Variants in PTN observed in about 807,000 individuals in gnomAD.
PTN encodes heparin affin regulatory protein.
A neutral mutation model predicts 24.1 loss-of-function variants in PTN; 18 were observed. The ratio of observed to expected loss-of-function variants is 0.75; its 90% CI spans 0.52 to 1.11. The LOEUF is 1.11. Among genes scored for constraint, PTN ranks in the 50% least tolerant of loss-of-function variants. The probability of loss-of-function intolerance (pLI) is 0.00; values close to 1 mark genes in which losing one functional copy is unlikely to be tolerated. For missense variants in PTN, 163 were observed against 198.8 expected (o/e 0.82, Z 1.08); for synonymous variants, 78 against 68.6 (o/e 1.14, Z -0.67).
Position 137,238,116 on chromosome 7 carries a change from C to G in PTN, c.452-10041G>C, listed in dbSNP as rs561337564. 2.0e-5 allele frequency among the ~76,000 whole-genome samples: 3 copies of G among 152,276 alleles called. No homozygotes were observed. In the South Asian group the frequency reaches 6.2e-4, roughly 32 times the overall value. ...ATTTTATTTTCATGGCCTCTGTGCA[C>G]TGAACAACAACAAGCTTGCTCTGAT... On this transcript the variant is annotated intron_variant, in intron 4 of 4. Coordinates refer to ENST00000348225, the MANE Select transcript of PTN (RefSeq NM_002825.7).
chr7:137,262,835 A>T (rs1175698257), intron 1 of PTN, among the ~76,000 whole-genome samples: 1 of 152,112 alleles, frequency 6.6e-6, no homozygotes, highest in East Asian at 1.9e-4. Context: ...CAGGGGTGGA[A>T]TTTTTACTAC....
intron 1 of PTN, among the ~76,000 whole-genome samples, chr7:137,312,231 TC>T (rs1809994013): frequency 6.6e-6 from 1 of 152,218 alleles, no homozygotes. Context: ...GTAATCATTT[TC>T]CAGTGAAAAT....
chr7:137,257,702 T>C (rs1808958808), intron 1 of PTN, among the ~76,000 whole-genome samples: 1 of 152,218 alleles, frequency 6.6e-6, no homozygotes. Flanking sequence ...TATATTTCTT[T>C]CCAAGTTAAA....
chr7:137,268,887 G>A (rs1433231125), intron 1 of PTN, among the ~76,000 whole-genome samples: 1 of 152,138 alleles, frequency 6.6e-6, no homozygotes, highest in African/African-American at 2.4e-5. Flanking sequence ...CCTCATTGCT[G>A]AGTTTTCTAA....
intron 1 of PTN, chr7:137,324,758 C>G (rs1373422142): frequency 6.6e-6 from 1 of 152,114 alleles, no homozygotes. Flanking sequence ...TTGGAGAAGT[C>G]TCCATTCTGG....
intron 1 of PTN, 100 bp from the exon 2 acceptor site, chr7:137,255,074 G>A: frequency 4.1e-6 from 3 of 725,570 alleles, no homozygotes; most frequent in Non-Finnish European, 6.2e-6. Flanking sequence ...TCCATTTCTG[G>A]AATGTTAGAT....
intron 1 of PTN, among the ~76,000 whole-genome samples, chr7:137,307,349 G>A (rs187670416): frequency 1.3e-5 from 2 of 152,154 alleles, no homozygotes; most frequent in Non-Finnish European, 2.9e-5. Context: ...AGTTACCACT[G>A]AGTTTCCAAT....
intron 1 of PTN, among the ~76,000 whole-genome samples, chr7:137,322,509 C>G (rs1369416134): frequency 6.6e-6 from 1 of 151,946 alleles, no homozygotes; most frequent in East Asian, 1.9e-4. Context: ...CCTTAATTAT[C>G]AATAGGAAAA....
At chr7:137,280,691 T>TAACGAAAAA (rs760779128) in intron 1 of PTN, among the ~76,000 whole-genome samples, 1 of 14,754 alleles carries the variant, frequency 6.8e-5, no homozygotes, top group African/African-American at 1.8e-4. Context: ...CCGTCTCTAC[T>TAACGAAAAA]AAAAATACAA....
chr7:137,257,756 T>G (rs983980755), intron 1 of PTN, among the ~76,000 whole-genome samples: 10 of 152,326 alleles, frequency 6.6e-5, no homozygotes, highest in Middle Eastern at 6.8e-3. Context: ...ATCAGAAGTA[T>G]TTAGGTTGTT....
At chr7:137,296,083 T>C (rs1215918217) in intron 1 of PTN, among the ~76,000 whole-genome samples, 4 of 152,046 alleles carry the variant, frequency 2.6e-5, no homozygotes, top group African/African-American at 9.7e-5. Flanking sequence ...CTTTCTCACT[T>C]ACTTAATGAA....
Position 137,248,492 on chromosome 7 carries a change from C to T in PTN, c.451+2738G>A, listed in dbSNP as rs569458619. 1.2e-3 allele frequency among the ~76,000 whole-genome samples: 184 copies of T among 152,134 alleles called. 1 individual carries two copies. The highest frequency in any genetic ancestry group is 1.2e-3 in the Non-Finnish European group (83 of 68,036). The stretch of plus-strand genomic sequence containing the variant: ...TTTGAGGTCTGGAGTTCAAGACCAG[C>T]CTGACCAACATGATGAAATGCTGTC... On this transcript the variant is annotated intron_variant, in intron 4 of 4. Coordinates refer to ENST00000348225, the MANE Select transcript of PTN (RefSeq NM_002825.7).
chr7:137,316,509 A>G (rs1414027762), intron 1 of PTN, among the ~76,000 whole-genome samples: 1 of 152,180 alleles, frequency 6.6e-6, no homozygotes, highest in Non-Finnish European at 1.5e-5. Flanking sequence ...GGTGTAATGG[A>G]AGAGAACTTT....
rs1260437413 is a variant in PTN at position 137,319,951 on chromosome 7, G to A, written c.-2+23488C>T. On this transcript the variant is annotated intron_variant, in intron 1 of 4. Coordinates refer to ENST00000348225, the MANE Select transcript of PTN (RefSeq NM_002825.7). ...TACTCCTAAGTAATCCCCTCCACGT[G>A]TATTCTGCTAATTAAGAGGCCACAT... 4.6e-5 allele frequency among the ~76,000 whole-genome samples: 7 copies of A among 152,130 alleles called. No homozygotes were observed. In the East Asian group the frequency reaches 1.3e-3, roughly 29 times the overall value.
chr7:137,292,123 G>A (rs1319149533), intron 1 of PTN, among the ~76,000 whole-genome samples: 1 of 152,122 alleles, frequency 6.6e-6, no homozygotes, highest in Admixed American at 6.6e-5. Context: ...TGCCACTGAT[G>A]TAAAATATGG....
chr7:137,268,122 T>C (rs1289760150), intron 1 of PTN, among the ~76,000 whole-genome samples: 1 of 152,134 alleles, frequency 6.6e-6, no homozygotes, highest in African/African-American at 2.4e-5. Context: ...TGCCAGTTCC[T>C]TCCCGGTGTT....
rs547707471 is a variant in PTN, at chr7:137,312,460, G to T, written c.-2+30979C>A. 6.6e-5 allele frequency among the ~76,000 whole-genome samples: 10 copies of T among 152,288 alleles called. No homozygotes were observed. In the East Asian group the frequency reaches 1.5e-3, roughly 24 times the overall value. On this transcript the variant is annotated intron_variant, in intron 1 of 4. Coordinates refer to ENST00000348225, the MANE Select transcript of PTN (RefSeq NM_002825.7). ...ATGCCTGTTGACAATTTGCCTGGGT[G>T]GTTTATTCTGCCCGTTCACCTGATG...
intron 1 of PTN, among the ~76,000 whole-genome samples, chr7:137,310,740 T>G (rs1809967956): frequency 6.6e-6 from 1 of 152,158 alleles, no homozygotes; most frequent in Non-Finnish European, 1.5e-5. Flanking sequence ...ATTGAAAATG[T>G]GTTATTTAGT....
chr7:137,267,499 G>A (rs994775192), intron 1 of PTN, among the ~76,000 whole-genome samples: 4 of 152,088 alleles, frequency 2.6e-5, no homozygotes, highest in Admixed American at 1.3e-4. Flanking sequence ...CTGAAACAAG[G>A]GACCTGTCTA....
Sources: gnomAD v4.1 joint callset for allele counts (sites outside exome capture counted in the v4.1 genomes callset) on GRCh38, gnomAD v4.1.1 for gene constraint, MANE v1.5 for transcripts, NCBI Gene and HGNC (gene_info 2026-07-23, HGNC 2026-07-21) for gene names.